Variants in PRIM1 observed in about 807,000 individuals in gnomAD.
PRIM1 encodes DNA primase small subunit.
PRIM1 carries 38 observed loss-of-function variants against 60.2 expected under a neutral mutation model. That is an observed-to-expected ratio of 0.63 (90% CI 0.49 to 0.83). The LOEUF is 0.83. PRIM1 is among the 40% of genes least tolerant of loss of function. The probability of loss-of-function intolerance (pLI) is 0.00; values close to 1 mark genes in which losing one functional copy is unlikely to be tolerated. For missense variants in PRIM1, 388 were observed against 506.2 expected (o/e 0.77, Z 2.24); for synonymous variants, 158 against 160.2 (o/e 0.99, Z 0.10).
At chr12:56,731,863 T>C in intron 12 of PRIM1, 129 bp from the exon 13 acceptor site, 1 of 731,600 alleles carries the variant, frequency 1.4e-6, no homozygotes. Context: ...GCTTACACAT[T>C]TGCTGAAGTC....
At chr12:56,735,630 A>G (rs561651564) in intron 11 of PRIM1, among the ~76,000 whole-genome samples, 2 of 151,864 alleles carry the variant, frequency 1.3e-5, no homozygotes, top group South Asian at 2.1e-4. Context: ...GGAGATTATT[A>G]GAAGTTTTTA....
At position 56,746,143 on chromosome 12, in the gene PRIM1, C is replaced by T; in HGVS notation, c.481G>A (p.Gly161Arg). ...GFKHRLWVYS[G>R]RRGVHCWVCD... ...ACCCAACAATGAACACCTCTCCTTCCAGAATATACCCAGAGACGATGCTTA... is the reference window on the plus strand; with the variant it reads ...ACCCAACAATGAACACCTCTCCTTCTAGAATATACCCAGAGACGATGCTTA... Residue 161 changes from glycine to arginine, a missense_variant, in exon 5 of 13, where the codon GGA (glycine) becomes AGA (arginine). Gly to Arg is a moderately radical substitution (Grantham distance 125). Around this residue, in one of 3 missense-constraint regions of PRIM1, gnomAD observed 21 missense variants for 52.5 expected, o/e 0.40. Coordinates refer to ENST00000338193, the MANE Select transcript of PRIM1 (RefSeq NM_000946.3). 1 of 1,613,304 alleles carries T rather than the reference C, an allele frequency of 6.2e-7. No homozygotes were observed. The highest frequency in any genetic ancestry group is 8.5e-7 in the Non-Finnish European group (1 of 1,179,554).
rs777437153 is a variant in PRIM1, at chr12:56,739,338, C to T, written c.1008G>A (p.Leu336=). ...KTGRISVPID[L]QKVDQFDPFT... is the part of the protein sequence containing the mutation. The stretch of plus-strand genomic sequence containing the variant: ...ATGGATCAAACTGGTCCACTTTCTG[C>T]AAATCAATAGGCACAGATATGCGAC... Residue 336 remains leucine, a synonymous_variant, in exon 10 of 13, where the codon TTG becomes TTA. Coordinates refer to ENST00000338193, the MANE Select transcript of PRIM1 (RefSeq NM_000946.3). 3 of 1,581,140 alleles carry T rather than the reference C, an allele frequency of 1.9e-6. No individual in the cohort carries two copies. The highest frequency in any genetic ancestry group is 2.6e-6 in the Non-Finnish European group (3 of 1,158,604).
rs773540603 is a variant in PRIM1 at position 56,752,203 on chromosome 12, G to A, written c.96C>T (p.Tyr32=). 1.3e-6 allele frequency: 2 copies of A among 1,594,950 alleles called. No homozygotes were observed. Among genetic ancestry groups the A allele is most frequent in the Non-Finnish European group, 1.7e-6 (2 of 1,169,396 alleles). Residue 32 remains tyrosine (Y), a synonymous_variant, in exon 1 of 13, where the codon TAC becomes TAT. Transcript: ENST00000338193. ...PYSQYYRWLN[Y]GGVIKNYFQH... ...ATTCCTCGCCTCCATCACCTCCACCGTAGTTGAGCCAGCGATAGTACTGAG... is the reference window on the plus strand; with the variant it reads ...ATTCCTCGCCTCCATCACCTCCACCATAGTTGAGCCAGCGATAGTACTGAG...
At position 56,741,521 on chromosome 12, in the gene PRIM1, T is replaced by A. The variant is rs745625683; in HGVS notation, c.896A>T (p.Gln299Leu). 1 of 1,613,702 alleles carries A rather than the reference T, an allele frequency of 6.2e-7. No individual in the cohort carries two copies. The highest frequency in any genetic ancestry group is 1.1e-5 in the South Asian group (1 of 91,038). Residue 299 changes from glutamine to leucine, a missense_variant, in exon 9 of 13, where the codon CAG becomes CTG. Physicochemically the swap from Gln to Leu is moderately radical, Grantham distance 113 (BLOSUM62 -2). Transcript: ENST00000338193. The part of the protein sequence containing the change: ...GPWLEWEIML[Q>L]YCFPRLDINV... ...GATATCCAGCCGTGGAAAACAGTAC[T>A]GGAGCATAATCTCCCACTCCAGCCA...
intron 11 of PRIM1, among the ~76,000 whole-genome samples, chr12:56,735,081 G>A (rs1953815916): frequency 6.6e-6 from 1 of 151,702 alleles, no homozygotes; most frequent in Non-Finnish European, 1.5e-5. Context: ...AAAGTGCTGG[G>A]ATTACAGGCG....
chr12:56,738,305 CATT>C (rs981004705), intron 11 of PRIM1, 126 bp downstream of exon 11: 1 of 1,290,392 alleles, frequency 7.7e-7, no homozygotes, highest in African/African-American at 1.5e-5. Context: ...AGGACACAAA[CATT>C]GTATGCAGTT....
intron 12 of PRIM1, among the ~76,000 whole-genome samples, chr12:56,733,387 G>C (rs10783796): frequency 0.58 from 88,296 of 151,396 alleles, 26,857 homozygotes; most frequent in South Asian, 0.74. Flanking sequence ...TTGAACTCCT[G>C]ACCTCAGGCG....
intron 5 of PRIM1, among the ~76,000 whole-genome samples, chr12:56,745,617 C>T (rs908411884): frequency 4.6e-5 from 7 of 151,946 alleles, no homozygotes. Context: ...TTGGTAAGAT[C>T]ATTTACTCTG....
At chr12:56,733,108 GCCTC>G (rs1168170233) in intron 12 of PRIM1, among the ~76,000 whole-genome samples, 1 of 150,208 alleles carries the variant, frequency 6.7e-6, no homozygotes, top group Non-Finnish European at 1.5e-5. Context: ...ACCTGCTTTG[GCCTC>G]CCAAAGTGCT....
intron 9 of PRIM1, among the ~76,000 whole-genome samples, chr12:56,741,049 A>C (rs1030981959): frequency 6.6e-6 from 1 of 152,284 alleles, no homozygotes. Flanking sequence ...CTGGGGCTCA[A>C]GTGATTTGCC....
intron 2 of PRIM1, among the ~76,000 whole-genome samples, chr12:56,747,345 G>C (rs1953915194): frequency 6.6e-6 from 1 of 151,984 alleles, no homozygotes; most frequent in Admixed American, 6.6e-5. Flanking sequence ...CCTATTGCAA[G>C]GTGTTTTAAG....
chr12:56,744,374 T>A (rs1379882448), intron 5 of PRIM1, among the ~76,000 whole-genome samples: 1 of 151,968 alleles, frequency 6.6e-6, no homozygotes, highest in Non-Finnish European at 1.5e-5. Flanking sequence ...ATGCCTGTAA[T>A]CCTAGCTACT....
intron 11 of PRIM1, among the ~76,000 whole-genome samples, chr12:56,735,707 G>A (rs1456675347): frequency 1.3e-5 from 2 of 151,038 alleles, no homozygotes; most frequent in Non-Finnish European, 3.0e-5. Context: ...CTGGAGTGCA[G>A]TGGGGCAATC....
At position 56,746,626 on chromosome 12, in the gene PRIM1, T is replaced by TCACACACACACA. The variant is rs71446569; in HGVS notation, c.442+143_442+154dup. On this transcript the variant is annotated intron_variant, in intron 4 of 12. Coordinates refer to ENST00000338193, the MANE Select transcript of PRIM1 (RefSeq NM_000946.3). Reference sequence around the variant, plus strand: ...AGCCTGGCTGACAGAGTGAGACTCGTCACACACACACACACACACACACAC... The same window carrying TCACACACACACA: ...AGCCTGGCTGACAGAGTGAGACTCGTCACACACACACACACACACACACACACACACACACAC... The TCACACACACACA allele has an allele frequency of 1.0e-4, 64 of 640,556 alleles. No homozygotes were observed. In the East Asian group the frequency reaches 1.9e-3, roughly 19 times the overall value. 39.7% of individuals were successfully genotyped at this position (640,556 alleles called of 1,614,324 possible). A position where few individuals can be genotyped will look rare whatever the true frequency, so the allele number is the denominator to read the frequency against.
At chr12:56,734,767 G>A (rs928974711) in intron 11 of PRIM1, among the ~76,000 whole-genome samples, 2 of 127,634 alleles carry the variant, frequency 1.6e-5, no homozygotes, top group African/African-American at 6.6e-5. Context: ...TTTCATACAA[G>A]TCTTTTATAT....
chr12:56,750,589 C>T (rs1216573359), intron 2 of PRIM1, among the ~76,000 whole-genome samples: 1 of 151,130 alleles, frequency 6.6e-6, no homozygotes, highest in African/African-American at 2.4e-5. Flanking sequence ...CTTTTATTTC[C>T]CTCTTTTTTT....
intron 11 of PRIM1, among the ~76,000 whole-genome samples, chr12:56,737,285 T>C (rs758661355): frequency 3.3e-5 from 5 of 151,800 alleles, no homozygotes; most frequent in Admixed American, 6.6e-5. Context: ...CGTGCAAAAA[T>C]TGTCTTCCAC....
chr12:56,731,860 C>T, intron 12 of PRIM1, 126 bp from the exon 13 acceptor site: 1 of 759,996 alleles, frequency 1.3e-6, no homozygotes, highest in Non-Finnish European at 2.0e-6. Context: ...TTTGCTTACA[C>T]ATTTGCTGAA....
Sources: gnomAD v4.1 joint callset for allele counts (sites outside exome capture counted in the v4.1 genomes callset) on GRCh38, gnomAD v4.1.1 for gene constraint, gnomAD v4.1.1 regional missense constraint, MANE v1.5 for transcripts, NCBI Gene and HGNC (gene_info 2026-07-23, HGNC 2026-07-21) for gene names.